The following LIFR variants were observed in gnomAD, a reference collection of about 807,000 sequenced individuals.
The protein encoded by LIFR is leukemia inhibitory factor receptor.
A neutral mutation model predicts 122.2 loss-of-function variants in LIFR; 84 were observed. The ratio of observed to expected loss-of-function variants is 0.69; its 90% CI spans 0.58 to 0.82. LIFR has a LOEUF of 0.82. Ranked by LOEUF, LIFR falls within the 40% of genes least tolerant of loss-of-function variation. The pLI is 0.00. For missense variants in LIFR, 1,294 were observed against 1,311.6 expected (o/e 0.99, Z 0.21); for synonymous variants, 422 against 434.7 (o/e 0.97, Z 0.36).
intron 2 of LIFR, among the ~76,000 whole-genome samples, chr5:38,529,234 C>T (rs1407623955): frequency 6.6e-6 from 1 of 151,912 alleles, no homozygotes; most frequent in Non-Finnish European, 1.5e-5. Context: ...GGGATTCTAG[C>T]ACCTCTTGAA....
At chr5:38,597,418 C>A (rs557317070), upstream of LIFR, among the ~76,000 whole-genome samples, 1 of 152,320 alleles carries the variant, frequency 6.6e-6, no homozygotes, top group South Asian at 2.1e-4. Flanking sequence ...TAGCATCCCT[C>A]TAGCCCAGGG....
intron 4 of LIFR, among the ~76,000 whole-genome samples, chr5:38,524,213 C>A (rs1344082423): frequency 1.3e-5 from 2 of 152,202 alleles, no homozygotes; most frequent in East Asian, 3.9e-4. Context: ...TGGGGGATGT[C>A]ACCCACTTGA....
intron 1 of LIFR, among the ~76,000 whole-genome samples, chr5:38,550,575 T>C (rs941703318): frequency 6.6e-6 from 1 of 152,240 alleles, no homozygotes; most frequent in Admixed American, 6.5e-5. Flanking sequence ...TTCTTTCAGA[T>C]TGTATAAGTA....
chr5:38,595,727 C>CTTTTT (rs70978897), upstream of LIFR, among the ~76,000 whole-genome samples: 13 of 91,978 alleles, frequency 1.4e-4, 1 homozygote, highest in South Asian at 3.6e-3. Flanking sequence ...CACAATAGGT[C>CTTTTT]TTTTTTTTTT....
chr5:38,556,819 G>C (rs948920714), upstream of LIFR: 3 of 150,264 alleles, frequency 2.0e-5, no homozygotes, highest in Non-Finnish European at 4.4e-5. Context: ...GGAGGAACGC[G>C]GCCGCGCGAC....
In LIFR at chr5:38,480,429, G is replaced by A. The variant is rs1269474247; in HGVS notation, c.*1166C>T. 2.3e-5 allele frequency: 5 copies of A among 221,182 alleles called. No individual in the cohort carries two copies. The highest frequency in any genetic ancestry group is 6.6e-5 in the East Asian group (1 of 15,172). 13.7% of individuals were successfully genotyped at this position (221,182 alleles called of 1,614,324 possible). On this transcript the variant is annotated 3_prime_UTR_variant, in exon 20 of 20. Coordinates refer to ENST00000453190, the MANE Select transcript of LIFR (RefSeq NM_001127671.2). ...CATGGATTCAGATCAGTTTATGACAGTTACTAAGAAACAGCCCTTGGGTAA... is the reference window on the plus strand; with the variant it reads ...CATGGATTCAGATCAGTTTATGACAATTACTAAGAAACAGCCCTTGGGTAA...
intron 2 of LIFR, 52 bp from the exon 3 acceptor site, chr5:38,528,892 A>C: frequency 1.9e-6 from 2 of 1,037,358 alleles, no homozygotes; most frequent in Non-Finnish European, 2.9e-6. Flanking sequence ...ACACATAAAC[A>C]CAGAATATGC....
At chr5:38,572,629 A>AG (rs1486306715) in intron 1 of LIFR, among the ~76,000 whole-genome samples, 1 of 152,168 alleles carries the variant, frequency 6.6e-6, no homozygotes, top group Non-Finnish European at 1.5e-5. Flanking sequence ...GCGGGCCTGA[A>AG]GGGGGGTCAG....
chr5:38,504,169 C>A (rs1397886192), intron 9 of LIFR, 48 bp from the exon 10 acceptor site: 2 of 1,258,840 alleles, frequency 1.6e-6, no homozygotes, highest in Non-Finnish European at 2.3e-6. Flanking sequence ...AAGGGAAAAA[C>A]TATCTTCTAA....
At chr5:38,544,170 A>G (rs1002548223) in intron 1 of LIFR, among the ~76,000 whole-genome samples, 7 of 152,270 alleles carry the variant, frequency 4.6e-5, no homozygotes, top group Middle Eastern at 6.8e-3. Context: ...CTGAACTGCT[A>G]TAAGAGCCTC....
In LIFR at chr5:38,474,785, C is replaced by T. The variant is rs1210890203; in HGVS notation, c.*6810G>A. ...TGACTTAATGGACAGATGGATGTTA[C>T]ACCAATGGCACAGCAATGTACTCAA... On this transcript the variant is annotated 3_prime_UTR_variant, in exon 20 of 20. Coordinates refer to ENST00000453190, the MANE Select transcript of LIFR (RefSeq NM_001127671.2). Among the ~76,000 whole-genome samples the T allele has an allele frequency of 2.0e-5, 3 of 152,108 alleles. No homozygotes were observed. Among genetic ancestry groups the T allele is most frequent in the African/African-American group, 2.4e-5 (1 of 41,416 alleles).
Position 38,489,132 on chromosome 5 carries a change from AC to A in LIFR, c.2280del (p.Leu760PhefsTer14). On this transcript the variant is annotated frameshift_variant, in exon 16 of 20. Coordinates refer to ENST00000453190, the MANE Select transcript of LIFR (RefSeq NM_001127671.2). LOFTEE classifies it high-confidence loss of function. ...EELRGFLRGY[L>X]FYFGKGERDT... ...TCTCTTTCTCCTTTTCCAAAGTAAA[AC>A]AAATATCCTCTTAAAAAGCCTCTAA... The A allele has an allele frequency of 6.2e-7, 1 of 1,613,178 alleles. No homozygotes were observed. Among genetic ancestry groups the A allele is most frequent in the Non-Finnish European group, 8.5e-7 (1 of 1,179,332 alleles).
chr5:38,568,376 C>A (rs1446157725), intron 1 of LIFR, among the ~76,000 whole-genome samples: 1 of 152,156 alleles, frequency 6.6e-6, no homozygotes, highest in Non-Finnish European at 1.5e-5. Context: ...GGGGGACCAA[C>A]AGGCACATGG....
At chr5:38,512,456 A>T (rs558422926) in intron 5 of LIFR, among the ~76,000 whole-genome samples, 54 of 151,682 alleles carry the variant, frequency 3.6e-4, no homozygotes, top group South Asian at 2.1e-3. Flanking sequence ...CCATCTCTAC[A>T]AAAAAATAAA....
At chr5:38,562,110 T>C (rs897041021) in intron 1 of LIFR, among the ~76,000 whole-genome samples, 45 of 152,272 alleles carry the variant, frequency 3.0e-4, no homozygotes, top group African/African-American at 9.4e-4. Context: ...CCAAACCCTC[T>C]CTTTCCCGAG....
chr5:38,549,647 C>T (rs955131136), intron 1 of LIFR, among the ~76,000 whole-genome samples: 3 of 152,046 alleles, frequency 2.0e-5, no homozygotes, highest in Admixed American at 6.6e-5. Flanking sequence ...AAAAATTAGC[C>T]GGGCGTGGTA....
intron 11 of LIFR, among the ~76,000 whole-genome samples, chr5:38,500,963 G>T (rs919739654): frequency 3.3e-5 from 5 of 152,182 alleles, no homozygotes; most frequent in African/African-American, 1.2e-4. Context: ...CTAGAGAGAG[G>T]CCCACAAGGT....
At chr5:38,603,012 G>T (rs552301650) in intron 2 of LIFR, among the ~76,000 whole-genome samples, 1 of 152,224 alleles carries the variant, frequency 6.6e-6, no homozygotes, top group African/African-American at 2.4e-5. Flanking sequence ...AACATACTGC[G>T]CACGCTTAAT....
rs746370555 is a variant in LIFR at position 38,502,800 on chromosome 5, C to T, written c.1438-1G>A. On this transcript the variant is annotated splice_acceptor_variant, in intron 10 of 19. Coordinates refer to ENST00000453190, the MANE Select transcript of LIFR (RefSeq NM_001127671.2). LOFTEE classifies it high-confidence loss of function. ...CTACTCCTTTGATTGTGACATTCCG[C>T]TATTGGAAAACAAATAAATATATAT... 4 of 1,560,882 alleles carry T rather than the reference C, an allele frequency of 2.6e-6. No individual in the cohort carries two copies. The highest frequency in any genetic ancestry group is 2.3e-5 in the South Asian group (2 of 87,824).
Sources: allele counts gnomAD v4.1 joint callset (sites outside exome capture counted in the v4.1 genomes callset), GRCh38; gene constraint gnomAD v4.1.1; transcripts MANE v1.5; gene names NCBI Gene and HGNC (gene_info 2026-07-23, HGNC 2026-07-21).